The following CFAP100 variants were observed in gnomAD, a reference collection of about 807,000 sequenced individuals.
CFAP100 encodes cilia and flagella associated protein 100.
Under a neutral mutation model 81.5 loss-of-function variants are expected in CFAP100, and 70 were observed. The ratio of observed to expected loss-of-function variants is 0.86; its 90% CI spans 0.71 to 1.05. The LOEUF (loss-of-function observed/expected upper bound fraction) is 1.05. Among genes scored for constraint, CFAP100 ranks in the 50% least tolerant of loss-of-function variants. CFAP100 has a pLI of 0.00. For missense variants in CFAP100, 811 were observed against 776.5 expected, an observed-to-expected ratio of 1.04 and a Z score of -0.53; for synonymous variants, 341 against 314.8, an observed-to-expected ratio of 1.08 and a Z score of -0.88.
Position 126,436,374 on chromosome 3 carries a change from G to A in CFAP100, c.1806G>A (p.Glu602=). Residue 602 remains glutamate, a synonymous_variant, in exon 17 of 17, where the codon GAG becomes GAA. Coordinates refer to ENST00000352312, the MANE Select transcript of CFAP100 (RefSeq NM_182628.3). ...CTGAGCACACACTGATGGACAAGGA[G>A]GAGGAGGAGCTGCTATTTTTCTTTA... ...QQSEHTLMDK[E]EEELLFFFT is the part of the protein sequence containing the mutation. 1 of 1,614,126 alleles carries A rather than the reference G, an allele frequency of 6.2e-7. No individual in the cohort carries two copies. The highest frequency in any genetic ancestry group is 1.1e-5 in the South Asian group (1 of 91,078).
rs1248379633 is a variant in CFAP100, at chr3:126,416,334, A to C, written c.244A>C (p.Thr82Pro). The C allele has an allele frequency of 6.3e-7, 1 of 1,595,422 alleles. No individual in the cohort carries two copies. Among genetic ancestry groups the C allele is most frequent in the Non-Finnish European group, 8.6e-7 (1 of 1,168,028 alleles). The change falls in exon 5 of 17, where the codon ACG becomes CCG. Residue 82 changes from threonine (T) to proline (P), a missense_variant. By Grantham distance (38) the Thr-to-Pro change is conservative. Transcript: ENST00000352312. The stretch of plus-strand genomic sequence containing the variant: ...CCCCCAGGAACGGCAGCAGCAGAAG[A>C]CGATGCGGGTGCACCAGAAGATGAC... ...KALSERQQQK[T>P]MRVHQKMTYS...
chr3:126,405,910 C>T (rs2107590224), intron 2 of CFAP100, among the ~76,000 whole-genome samples: 1 of 152,198 alleles, frequency 6.6e-6, no homozygotes, highest in South Asian at 2.1e-4. Flanking sequence ...CCCTCAGCCT[C>T]CCTAGTAACT....
chr3:126,410,200 C>CA (rs376689563), intron 3 of CFAP100, among the ~76,000 whole-genome samples: 104 of 149,024 alleles, frequency 7.0e-4, no homozygotes, highest in Non-Finnish European at 6.1e-4. Context: ...GACTCCGTCT[C>CA]AAAAAAAAAA....
In CFAP100 at chr3:126,420,246, G is replaced by C; in HGVS notation, c.1082+17G>C. On this transcript the variant is annotated intron_variant, in intron 11 of 16. Transcript: ENST00000352312. ...CTCCAGAGGGTGAGTGGGCTCGGGTGGTTGGGAGGGGCTGAGGCCTAGCGG... is the reference window on the plus strand; with the variant it reads ...CTCCAGAGGGTGAGTGGGCTCGGGTCGTTGGGAGGGGCTGAGGCCTAGCGG... The C allele has an allele frequency of 6.2e-7, 1 of 1,610,872 alleles. No individual in the cohort carries two copies. The highest frequency in any genetic ancestry group is 8.5e-7 in the Non-Finnish European group (1 of 1,179,652).
At chr3:126,419,451 T>C (rs2083293889) in intron 8 of CFAP100, among the ~76,000 whole-genome samples, 186 bp from the exon 9 acceptor site, 1 of 152,182 alleles carries the variant, frequency 6.6e-6, no homozygotes, top group African/African-American at 2.4e-5. Flanking sequence ...CACAAAGGGC[T>C]GTGACTCTGC....
At chr3:126,396,737 G>A (rs754181431) in intron 2 of CFAP100, 4 of 152,226 alleles carry the variant, frequency 2.6e-5, no homozygotes, top group Non-Finnish European at 5.9e-5. Context: ...CCAAGGAGGT[G>A]GTCAGCTGGC....
At chr3:126,425,333 A>G (rs2083390562) in intron 13 of CFAP100, among the ~76,000 whole-genome samples, 2 of 152,250 alleles carry the variant, frequency 1.3e-5, no homozygotes, top group Non-Finnish European at 2.9e-5. Context: ...TTCTCAGAAA[A>G]AAAATCAAAA....
intron 13 of CFAP100, among the ~76,000 whole-genome samples, chr3:126,430,953 T>C (rs569537404): frequency 2.6e-5 from 4 of 152,316 alleles, no homozygotes; most frequent in South Asian, 2.1e-4. Context: ...CAGGTTCCTT[T>C]TGTGGTGTCA....
At chr3:126,418,043 G>GTCGCCGTATCATTCAAAAA in intron 5 of CFAP100, 2 of 182,784 alleles carry the variant, frequency 1.1e-5, no homozygotes, top group Non-Finnish European at 2.3e-5. Flanking sequence ...TTGCTCGGGG[G>GTCGCCGTATCATTCAAAAA]GCTTAGGTGC....
rs2083272822 is a variant in CFAP100, at chr3:126,418,242, G to T, written c.419-216G>T. 6.9e-6 allele frequency: 4 copies of T among 577,516 alleles called. No homozygotes were observed. The East Asian group carries it at 1.2e-4, about 17-fold the overall frequency. 35.8% of individuals were successfully genotyped at this position (577,516 alleles called of 1,614,324 possible). Reference sequence around the variant, plus strand: ...ACAGTAAGGACTTCCCACGCGGCCGGACTCTGGCCATGGAGAATGTAACAT... The same window carrying T: ...ACAGTAAGGACTTCCCACGCGGCCGTACTCTGGCCATGGAGAATGTAACAT... On this transcript the variant is annotated intron_variant, in intron 5 of 16. Transcript: ENST00000352312.
At chr3:126,428,308 C>T (rs1933040641) in intron 13 of CFAP100, among the ~76,000 whole-genome samples, 1 of 152,074 alleles carries the variant, frequency 6.6e-6, no homozygotes, top group Admixed American at 6.5e-5. Flanking sequence ...CTGGAGAAGG[C>T]ATAACTGTAG....
At chr3:126,410,360 A>G (rs956375035) in intron 3 of CFAP100, among the ~76,000 whole-genome samples, 2 of 152,232 alleles carry the variant, frequency 1.3e-5, no homozygotes, top group Non-Finnish European at 2.9e-5. Flanking sequence ...TACTTTCACA[A>G]TAAGACCTAC....
chr3:126,422,709 CA>C (rs2083352062), intron 11 of CFAP100, among the ~76,000 whole-genome samples: 1 of 152,252 alleles, frequency 6.6e-6, no homozygotes, highest in Admixed American at 6.5e-5. Context: ...CACCTGGAGG[CA>C]GCCCTGAGAG....
chr3:126,428,163 A>G (rs1361401811), intron 13 of CFAP100, among the ~76,000 whole-genome samples: 1 of 152,238 alleles, frequency 6.6e-6, no homozygotes, highest in African/African-American at 2.4e-5. Context: ...CAGAAAATGG[A>G]ATATTTTTCA....
At position 126,411,361 on chromosome 3, in the gene CFAP100, G is replaced by GTTTTTTTTTTTTTTTTTTTTTT. The variant is rs58954079; in HGVS notation, c.131-2719_131-2698dup. Among the ~76,000 whole-genome samples the GTTTTTTTTTTTTTTTTTTTTTT allele has an allele frequency of 4.5e-4, 16 of 35,366 alleles. 5 individuals are homozygous for GTTTTTTTTTTTTTTTTTTTTTT. The highest frequency in any genetic ancestry group is 5.5e-4 in the Admixed American group (1 of 1,834). 23.2% of individuals were successfully genotyped at this position (35,366 alleles called of 152,430 possible). On this transcript the variant is annotated intron_variant, in intron 3 of 16. Coordinates refer to ENST00000352312, the MANE Select transcript of CFAP100 (RefSeq NM_182628.3). ...TCTGTAGTTTTTTTTGTTGTTGTTG[G>GTTTTTTTTTTTTTTTTTTTTTT]TTTTTTTTTTTTTTTTTTTTTTTTT...
At chr3:126,426,820 G>A (rs899424448) in intron 13 of CFAP100, among the ~76,000 whole-genome samples, 11 of 152,212 alleles carry the variant, frequency 7.2e-5, no homozygotes, top group Non-Finnish European at 1.3e-4. Flanking sequence ...AAGCAAGGTT[G>A]CAGGATACAA....
chr3:126,430,625 CT>C (rs1933176294), intron 13 of CFAP100, among the ~76,000 whole-genome samples: 1 of 151,434 alleles, frequency 6.6e-6, no homozygotes, highest in Non-Finnish European at 1.5e-5. Context: ...TTTTTTTGCC[CT>C]TTTGCTCCTC....
At chr3:126,410,132 C>A (rs1283982155) in intron 3 of CFAP100, among the ~76,000 whole-genome samples, 1 of 152,136 alleles carries the variant, frequency 6.6e-6, no homozygotes, top group East Asian at 1.9e-4. Context: ...ACCCAGGAGA[C>A]GGAGGTTGCA....
intron 4 of CFAP100, among the ~76,000 whole-genome samples, chr3:126,414,518 C>T (rs1156947871): frequency 6.6e-6 from 1 of 152,206 alleles, no homozygotes; most frequent in Non-Finnish European, 1.5e-5. Flanking sequence ...TCCGGGTCCT[C>T]CAAGGCCCAG....
Sources: gnomAD v4.1 joint callset for allele counts (sites outside exome capture counted in the v4.1 genomes callset) on GRCh38, gnomAD v4.1.1 for gene constraint, MANE v1.5 for transcripts, NCBI Gene and HGNC (gene_info 2026-07-23, HGNC 2026-07-21) for gene names.